Variants in NR3C1 observed in about 807,000 individuals in gnomAD.
NR3C1 encodes nuclear receptor subfamily 3 group C member 1.
A neutral mutation model predicts 74.0 loss-of-function variants in NR3C1; 14 were observed. The ratio of observed to expected loss-of-function variants is 0.19; its 90% CI spans 0.12 to 0.30. The LOEUF is 0.30. Among genes scored for constraint, NR3C1 ranks in the 10% least tolerant of loss-of-function variants. The pLI is 1.00. For missense variants in NR3C1, 695 were observed against 909.8 expected, an observed-to-expected ratio of 0.76 and a Z score of 3.04; for synonymous variants, 308 against 332.5, an observed-to-expected ratio of 0.93 and a Z score of 0.80.
intron 2 of NR3C1, among the ~76,000 whole-genome samples, chr5:143,388,099 C>T (rs531199033): frequency 6.6e-6 from 1 of 152,330 alleles, no homozygotes; most frequent in Admixed American, 6.5e-5. Flanking sequence ...CCCTCTAACC[C>T]TTCATTTACA....
At chr5:143,384,514 C>T (rs1444789539) in intron 2 of NR3C1, among the ~76,000 whole-genome samples, 3 of 152,198 alleles carry the variant, frequency 2.0e-5, no homozygotes, top group Admixed American at 1.3e-4. Flanking sequence ...AATTGGGATA[C>T]AGGCATTGGG....
intron 2 of NR3C1, among the ~76,000 whole-genome samples, chr5:143,383,380 A>G (rs1349507881): frequency 6.6e-6 from 1 of 152,228 alleles, no homozygotes; most frequent in Admixed American, 6.5e-5. Context: ...ACCTAAATTG[A>G]GTACCTTAAG....
intron 1 of NR3C1, chr5:143,409,298 C>G (rs1374292077): frequency 6.6e-6 from 1 of 152,220 alleles, no homozygotes; most frequent in Non-Finnish European, 1.5e-5. Context: ...TTGTTTATCA[C>G]ATATATTTCC....
chr5:143,295,368 T>G, intron 7 of NR3C1, 92 bp downstream of exon 7: 1 of 1,517,936 alleles, frequency 6.6e-7, no homozygotes, highest in Non-Finnish European at 8.8e-7. Context: ...AGACTTGGTA[T>G]AATTATTAGT....
intron 2 of NR3C1, among the ~76,000 whole-genome samples, chr5:143,331,054 T>C (rs1825841466): frequency 6.6e-6 from 1 of 152,138 alleles, no homozygotes; most frequent in Admixed American, 6.5e-5. Flanking sequence ...GACTTCAAAC[T>C]ACTACAAGGC....
chr5:143,403,765 G>C (rs1199648106), upstream of NR3C1: 14 of 983,954 alleles, frequency 1.4e-5, no homozygotes, highest in Admixed American at 1.9e-4. Context: ...CCGCGCGGCG[G>C]CCGCGGGGAA....
chr5:143,353,450 AT>A (rs1407224164), intron 2 of NR3C1, among the ~76,000 whole-genome samples: 1 of 152,164 alleles, frequency 6.6e-6, no homozygotes, highest in African/African-American at 2.4e-5. Flanking sequence ...ATCACTGTCT[AT>A]AGCAGCTATA....
intron 7 of NR3C1, chr5:143,295,128 C>CA (rs1816885890): frequency 2.0e-6 from 2 of 985,342 alleles, no homozygotes; most frequent in Non-Finnish European, 2.4e-6. Flanking sequence ...GTGTAGTGGA[C>CA]AAAATCACTG....
chr5:143,398,124 T>C (rs945965105), intron 2 of NR3C1, among the ~76,000 whole-genome samples: 58 of 151,980 alleles, frequency 3.8e-4, no homozygotes, highest in Non-Finnish European at 1.9e-4. Flanking sequence ...AAACCAAGTA[T>C]GCGAATTCTA....
intron 1 of NR3C1, among the ~76,000 whole-genome samples, chr5:143,429,756 T>C (rs144038184): frequency 1.3e-5 from 2 of 152,346 alleles, no homozygotes; most frequent in African/African-American, 4.8e-5. Flanking sequence ...AAATTAATTA[T>C]ATTGCATCCA....
In NR3C1 at chr5:143,300,752, T is replaced by C; in HGVS notation, c.1480A>G (p.Lys494Glu). Residue 494 changes from lysine (K) to glutamate (E), a missense_variant, in exon 5 of 9, where the codon AAG becomes GAG. Lys to Glu is a moderately conservative substitution (Grantham distance 56). Transcript: ENST00000394464. This position sits in a 1 kb window ranked among gnomAD's most constrained non-coding sequence, Gnocchi z 5.2. The part of the protein sequence containing the change: ...AGMNLEARKT[K>E]KKIKGIQQAT... ...TGCTGAATTCCTTTTATTTTTTTCT[T>C]TGTTTTTCGAGCTGTGGGTATTTAA... 1 of 1,613,794 alleles carries C rather than the reference T, an allele frequency of 6.2e-7. No individual in the cohort carries two copies. The highest frequency in any genetic ancestry group is 1.3e-5 in the African/African-American group (1 of 74,994).
chr5:143,394,096 C>T (rs558038241), intron 2 of NR3C1, among the ~76,000 whole-genome samples: 11 of 152,046 alleles, frequency 7.2e-5, no homozygotes, highest in African/African-American at 2.4e-4. Context: ...ACAACAGGTA[C>T]TTTCACTGAA....
chr5:143,341,097 T>C (rs1436840052), intron 2 of NR3C1, among the ~76,000 whole-genome samples: 1 of 152,204 alleles, frequency 6.6e-6, no homozygotes, highest in African/African-American at 2.4e-5. Flanking sequence ...TGATAAGCTG[T>C]TGTAGTTTCG....
chr5:143,419,640 C>G (rs1024105379), intron 1 of NR3C1, among the ~76,000 whole-genome samples: 1 of 152,020 alleles, frequency 6.6e-6, no homozygotes, highest in African/African-American at 2.4e-5. Context: ...AGGGAATGTA[C>G]GAATAGGTGT....
chr5:143,407,162 G>C (rs1165541092), upstream of NR3C1: 1 of 152,212 alleles, frequency 6.6e-6, no homozygotes, highest in Non-Finnish European at 1.5e-5. Flanking sequence ...GATCTATCTT[G>C]TCATAGCTTT....
chr5:143,309,094 A>G (rs1423315465), intron 4 of NR3C1, among the ~76,000 whole-genome samples: 1 of 148,106 alleles, frequency 6.8e-6, no homozygotes, highest in Non-Finnish European at 1.5e-5. Flanking sequence ...TTTTTTTCCA[A>G]GACGGAGTCT....
At chr5:143,408,581 G>A (rs539133940), upstream of NR3C1, among the ~76,000 whole-genome samples, 15 of 147,254 alleles carry the variant, frequency 1.0e-4, 2 homozygotes, top group South Asian at 2.6e-3. Flanking sequence ...GAGATATCTC[G>A]GCCATGGGAC....
intron 2 of NR3C1, among the ~76,000 whole-genome samples, chr5:143,374,725 A>G (rs1229985551): frequency 6.6e-6 from 1 of 152,174 alleles, no homozygotes; most frequent in Non-Finnish European, 1.5e-5. Flanking sequence ...CACTAGATTC[A>G]ACACTTCACC....
chr5:143,393,917 A>G (rs964601142), intron 2 of NR3C1, among the ~76,000 whole-genome samples: 1 of 152,120 alleles, frequency 6.6e-6, no homozygotes, highest in African/African-American at 2.4e-5. Context: ...GCAACAAACT[A>G]TGTCTTAAAC....
Sources: allele counts gnomAD v4.1 joint callset (sites outside exome capture counted in the v4.1 genomes callset), GRCh38; gene constraint gnomAD v4.1.1; non-coding constraint Gnocchi (gnomAD v3.1); transcripts MANE v1.5; gene names NCBI Gene and HGNC (gene_info 2026-07-23, HGNC 2026-07-21).